Variants in FRY observed in about 807,000 individuals in gnomAD.
FRY encodes the protein FRY microtubule binding protein.
A neutral mutation model predicts 348.4 loss-of-function variants in FRY; 128 were observed. The ratio of observed to expected loss-of-function variants is 0.37; its 90% confidence interval spans 0.32 to 0.43. FRY has a LOEUF of 0.43. Ranked by LOEUF, FRY falls within the 20% of genes least tolerant of loss-of-function variation. The pLI is 1.00. For synonymous variants in FRY, 1,370 were observed against 1,374.7 expected (o/e 1.00, Z 0.08); for missense variants, 2,736 against 3,695.2 (o/e 0.74, Z 6.73).
At chr13:32,110,123 T>C (rs1877862271) in intron 3 of FRY, among the ~76,000 whole-genome samples, 1 of 152,240 alleles carries the variant, frequency 6.6e-6, no homozygotes, top group African/African-American at 2.4e-5. Flanking sequence ...TGCATTTTCA[T>C]AGTCGATGGA....
At chr13:32,053,436 A>G (rs901668309) in intron 1 of FRY, among the ~76,000 whole-genome samples, 28 of 152,346 alleles carry the variant, frequency 1.8e-4, no homozygotes, top group African/African-American at 6.7e-4. Context: ...TAAAGAATGT[A>G]TAGATACTAT....
At chr13:32,047,832 G>A (rs1193843258) in intron 1 of FRY, among the ~76,000 whole-genome samples, 3 of 152,172 alleles carry the variant, frequency 2.0e-5, no homozygotes, top group African/African-American at 4.8e-5. Flanking sequence ...TTCGGCCTCC[G>A]AAAGTACTGG....
At chr13:32,061,227 G>C in intron 1 of FRY, 1 of 517,588 alleles carries the variant, frequency 1.9e-6, no homozygotes, top group Non-Finnish European at 4.0e-6. Flanking sequence ...CTGAGTATGG[G>C]AGGACTCTTC....
At chr13:32,149,920 G>A in intron 14 of FRY, 86 bp downstream of exon 14, 1 of 810,408 alleles carries the variant, frequency 1.2e-6, no homozygotes, top group Non-Finnish European at 2.2e-6. Flanking sequence ...AATGGGATGA[G>A]GGATGTCTTC....
At chr13:32,122,883 T>C (rs1276741854) in intron 4 of FRY, among the ~76,000 whole-genome samples, 2 of 152,204 alleles carry the variant, frequency 1.3e-5, no homozygotes, top group African/African-American at 2.4e-5. Flanking sequence ...AGCTCTTCTA[T>C]ATACTAACAA....
At chr13:32,047,951 T>C (rs760171798) in intron 1 of FRY, among the ~76,000 whole-genome samples, 25 of 152,178 alleles carry the variant, frequency 1.6e-4, no homozygotes, top group Non-Finnish European at 2.4e-4. Context: ...CAAACTCTTA[T>C]CCTGTGTGTA....
Position 32,194,250 on chromosome 13 carries a change from A to G in FRY, c.3699A>G (p.Gln1233=). ...ACCGATGCTACACAGGTTCCTACCA[A>G]CTTGCATCTGGCTGCTTCAAAGCCA... ...AIDRCYTGSY[Q]LASGCFKAIA... is the part of the protein sequence containing the mutation. The change falls in exon 29 of 61, where the codon CAA becomes CAG. Residue 1233 remains glutamine (Q), a synonymous_variant. Transcript: ENST00000542859. 1.2e-6 allele frequency: 2 copies of G among 1,614,204 alleles called. No individual in the cohort carries two copies. Among genetic ancestry groups the G allele is most frequent in the South Asian group, 2.2e-5 (2 of 91,086 alleles).
At chr13:32,034,742 AGC>A (rs1872421699) in intron 1 of FRY, among the ~76,000 whole-genome samples, 1 of 152,184 alleles carries the variant, frequency 6.6e-6, no homozygotes, top group African/African-American at 2.4e-5. Flanking sequence ...TGTCAGTGGT[AGC>A]CACTCAGGAC....
At chr13:32,085,054 G>A (rs1378824841) in intron 2 of FRY, among the ~76,000 whole-genome samples, 1 of 152,148 alleles carries the variant, frequency 6.6e-6, no homozygotes, top group Non-Finnish European at 1.5e-5. Context: ...AGGTCATCTT[G>A]CCAACTCTAA....
chr13:32,069,830 A>G (rs764483305), intron 1 of FRY, among the ~76,000 whole-genome samples: 43 of 152,112 alleles, frequency 2.8e-4, no homozygotes, highest in Non-Finnish European at 5.4e-4. Flanking sequence ...CATCATTTAC[A>G]TTAGGTATTT....
At chr13:32,072,229 T>G (rs1874707026) in intron 1 of FRY, among the ~76,000 whole-genome samples, 1 of 152,242 alleles carries the variant, frequency 6.6e-6, no homozygotes, top group African/African-American at 2.4e-5. Context: ...GGGAGGAATA[T>G]TTCACATTAT....
rs2138670383 is a variant in FRY, at chr13:32,296,387, T to C, written c.*927T>C. 1 of 152,774 alleles carries C rather than the reference T, an allele frequency of 6.5e-6. No homozygotes were observed. Among genetic ancestry groups the C allele is most frequent in the South Asian group, 2.1e-4 (1 of 4,828 alleles). The allele number at this position is 152,774 out of a possible 1,614,324, so 9.5% of individuals were successfully genotyped here. On this transcript the variant is annotated 3_prime_UTR_variant, in exon 61 of 61. Coordinates refer to ENST00000542859, the MANE Select transcript of FRY (RefSeq NM_023037.3). Reference sequence around the variant, plus strand: ...TAAAGGTAAAATATGAGTTGTTACTTTGTTTCTTCGATGTCATATTTTATG... The same window carrying C: ...TAAAGGTAAAATATGAGTTGTTACTCTGTTTCTTCGATGTCATATTTTATG...
intron 17 of FRY, among the ~76,000 whole-genome samples, chr13:32,169,917 C>T (rs1037918028): frequency 6.6e-6 from 1 of 152,198 alleles, no homozygotes; most frequent in Non-Finnish European, 1.5e-5. Flanking sequence ...TGTTAACTTA[C>T]TCAAAATGTC....
intron 54 of FRY, among the ~76,000 whole-genome samples, 179 bp from the exon 55 acceptor site, chr13:32,266,991 A>G (rs1223760253): frequency 6.6e-6 from 1 of 152,202 alleles, no homozygotes; most frequent in African/African-American, 2.4e-5. Context: ...ACAAACAAAC[A>G]GACCAAAAAG....
chr13:32,217,007 GGTT>G (rs1885029247), intron 35 of FRY, among the ~76,000 whole-genome samples: 2 of 152,176 alleles, frequency 1.3e-5, no homozygotes, highest in South Asian at 4.1e-4. Flanking sequence ...AGTGCCCTAA[GGTT>G]GTACACCTGG....
At chr13:32,130,179 G>A (rs1660135845) in intron 7 of FRY, among the ~76,000 whole-genome samples, 1 of 150,518 alleles carries the variant, frequency 6.6e-6, no homozygotes, top group Non-Finnish European at 1.5e-5. Flanking sequence ...TCCAGCCTCA[G>A]CCTCACGCAC....
At chr13:32,229,888 A>G (rs1339912360) in intron 40 of FRY, among the ~76,000 whole-genome samples, 1 of 152,238 alleles carries the variant, frequency 6.6e-6, no homozygotes, top group Non-Finnish European at 1.5e-5. Flanking sequence ...TGTAGCACTT[A>G]TGATATGCCA....
chr13:32,260,885 C>T (rs1216282435), intron 51 of FRY, among the ~76,000 whole-genome samples: 1 of 152,190 alleles, frequency 6.6e-6, no homozygotes, highest in East Asian at 1.9e-4. Context: ...AATCCCAGCA[C>T]TTTGGGAGGC....
chr13:32,268,255 G>A (rs1314026898), intron 55 of FRY, among the ~76,000 whole-genome samples: 3 of 152,026 alleles, frequency 2.0e-5, no homozygotes, highest in Non-Finnish European at 4.4e-5. Context: ...AATTGGCAGG[G>A]GGAGGAGGTG....
Sources: gnomAD v4.1 joint callset for allele counts (sites outside exome capture counted in the v4.1 genomes callset) on GRCh38, gnomAD v4.1.1 for gene constraint, MANE v1.5 for transcripts, NCBI Gene and HGNC (gene_info 2026-07-23, HGNC 2026-07-21) for gene names.